Variants in THOC1 observed in about 807,000 individuals in gnomAD.
THOC1 encodes THO complex subunit 1.
In THOC1, 29 loss-of-function variants were observed where a neutral mutation model predicts 97.3. The observed-to-expected ratio is 0.30, with a 90% CI of 0.22 to 0.41. THOC1 has a LOEUF of 0.41. THOC1 is among the 10% of genes least tolerant of loss of function. THOC1 has a pLI of 1.00. For missense variants in THOC1, 529 were observed against 761.9 expected (o/e 0.69, Z 3.60); for synonymous variants, 255 against 257.0 (o/e 0.99, Z 0.07).
chr18:241,898 T>TA (rs1439804488), intron 11 of THOC1, among the ~76,000 whole-genome samples: 1 of 152,190 alleles, frequency 6.6e-6, no homozygotes, highest in African/African-American at 2.4e-5. Flanking sequence ...AAAGAACAGA[T>TA]ACTTTTCCAC....
rs866359458 is a variant in THOC1 at position 254,288 on chromosome 18, G to A, written c.588C>T (p.Ser196=). The A allele has an allele frequency of 1.3e-6, 2 of 1,581,946 alleles. No homozygotes were observed. Among genetic ancestry groups the A allele is most frequent in the Non-Finnish European group, 1.7e-6 (2 of 1,162,672 alleles). ...VTVFNTNEQE[S]TLGQKHTEDR... The stretch of plus-strand genomic sequence containing the variant: ...TCAGCCTCACCTTCTGACCCAGGGT[G>A]CTTTCCTGCTCATTTGTATTGAAAA... Residue 196 remains serine, a synonymous_variant, in exon 8 of 21, where the codon AGC becomes AGT. Coordinates refer to ENST00000261600, the MANE Select transcript of THOC1 (RefSeq NM_005131.3). The surrounding 1 kb of genome is among the most constrained non-coding windows in gnomAD (Gnocchi z 4.1).
In THOC1 at chr18:248,759, A is replaced by AT. The variant is rs1029955181; in HGVS notation, c.678-803dup. Reference sequence around the variant, plus strand: ...GTCAATACATATTCTTTTAATTTAAATTTTTTTTTTTAAAGGAGTCTCACT... The same window carrying AT: ...GTCAATACATATTCTTTTAATTTAAATTTTTTTTTTTTAAAGGAGTCTCACT... On this transcript the variant is annotated intron_variant, in intron 9 of 20. Transcript: ENST00000261600. Among the ~76,000 whole-genome samples, 35 of 149,042 alleles carry AT rather than the reference A, an allele frequency of 2.3e-4. No individual in the cohort carries two copies. The East Asian group carries it at 3.0e-3, about 13-fold the overall frequency.
chr18:220,525 C>T (rs1345986987), intron 17 of THOC1, among the ~76,000 whole-genome samples: 1 of 152,176 alleles, frequency 6.6e-6, no homozygotes, highest in Admixed American at 6.5e-5. Flanking sequence ...CAGACTCCTA[C>T]CAGCAGCACT....
Position 216,639 on chromosome 18 carries a change from A to G in THOC1, c.1455-6T>C, listed in dbSNP as rs2096171276. 1 of 1,609,424 alleles carries G rather than the reference A, an allele frequency of 6.2e-7. No individual in the cohort carries two copies. Among genetic ancestry groups the G allele is most frequent in the Non-Finnish European group, 8.5e-7 (1 of 1,177,958 alleles). On this transcript the variant is annotated splice_polypyrimidine_tract_variant and splice_region_variant and intron_variant, in intron 18 of 20. Coordinates refer to ENST00000261600, the MANE Select transcript of THOC1 (RefSeq NM_005131.3). Reference sequence around the variant, plus strand: ...AATTTGAATTGTTCACAGCCCTATAAAAAGAGGTGTCAGGCTTGTAATTTA... The same window carrying G: ...AATTTGAATTGTTCACAGCCCTATAGAAAGAGGTGTCAGGCTTGTAATTTA...
chr18:237,062 A>G (rs770270951), intron 11 of THOC1, among the ~76,000 whole-genome samples: 9 of 152,154 alleles, frequency 5.9e-5, no homozygotes, highest in Non-Finnish European at 1.2e-4. Context: ...GTCTCTGAAA[A>G]GAACACAGCT....
chr18:226,771 A>G, intron 12 of THOC1, 30 bp downstream of exon 12: 1 of 1,531,404 alleles, frequency 6.5e-7, no homozygotes, highest in Non-Finnish European at 8.9e-7. Context: ...GCTACTGTTT[A>G]CAAATTGTTT....
chr18:265,280 T>G lies in THOC1; in HGVS notation c.189+23A>C, dbSNP rs199778629. On this transcript the variant is annotated intron_variant, in intron 3 of 20. Transcript: ENST00000261600. ...GTTTATTAATTTGTCAGTAAAATTT[T>G]AACAATGGAAAAACATACTTACAAT... 31 of 1,558,816 alleles carry G rather than the reference T, an allele frequency of 2.0e-5. No homozygotes were observed. The African/African-American group carries it at 4.3e-4, about 21-fold the overall frequency.
intron 17 of THOC1, among the ~76,000 whole-genome samples, chr18:222,506 A>G (rs767682541): frequency 6.6e-6 from 1 of 152,204 alleles, no homozygotes; most frequent in Non-Finnish European, 1.5e-5. Flanking sequence ...TAGTCATTGA[A>G]TTTACAAAAC....
intron 12 of THOC1, among the ~76,000 whole-genome samples, 192 bp downstream of exon 12, chr18:226,609 T>C (rs988730955): frequency 3.9e-5 from 6 of 152,188 alleles, no homozygotes; most frequent in African/African-American, 1.4e-4. Context: ...AAACTCACAC[T>C]GACAGATATA....
intron 4 of THOC1, 87 bp downstream of exon 4, chr18:263,939 G>A (rs1482339687): frequency 9.8e-7 from 1 of 1,016,282 alleles, no homozygotes; most frequent in Non-Finnish European, 1.5e-6. Context: ...AATCAGATAG[G>A]TGGAGAAGTA....
chr18:217,193 A>G (rs1187825963), intron 18 of THOC1, among the ~76,000 whole-genome samples: 1 of 152,226 alleles, frequency 6.6e-6, no homozygotes, highest in Non-Finnish European at 1.5e-5. Context: ...AATTTGGTTT[A>G]TTTGGTCACC....
At chr18:261,956 C>T (rs528207082) in intron 4 of THOC1, among the ~76,000 whole-genome samples, 135 of 152,266 alleles carry the variant, frequency 8.9e-4, no homozygotes, top group African/African-American at 3.2e-3. Context: ...TCCCAGCTTC[C>T]ACACCAATCT....
At chr18:239,468 CTAATTTTTTG>C (rs1036700533) in intron 11 of THOC1, among the ~76,000 whole-genome samples, 3 of 152,074 alleles carry the variant, frequency 2.0e-5, no homozygotes, top group African/African-American at 7.2e-5. Flanking sequence ...CCACGCCCGG[CTAATTTTTTG>C]TATTTTTAGT....
intron 8 of THOC1, among the ~76,000 whole-genome samples, chr18:252,876 C>T (rs894546111): frequency 6.6e-6 from 1 of 152,122 alleles, no homozygotes. Flanking sequence ...TAAACATAAT[C>T]AATAGATTCC....
chr18:251,603 T>C (rs1056246695), intron 9 of THOC1, among the ~76,000 whole-genome samples: 1 of 152,222 alleles, frequency 6.6e-6, no homozygotes, highest in Non-Finnish European at 1.5e-5. Flanking sequence ...CCACGGTCTA[T>C]GTAGAGTTTG....
chr18:235,636 CCTTT>C (rs1911653567), intron 11 of THOC1, among the ~76,000 whole-genome samples: 1 of 151,984 alleles, frequency 6.6e-6, no homozygotes, highest in African/African-American at 2.4e-5. Context: ...CATATATTTG[CCTTT>C]TTTTAAGCTA....
chr18:237,924 C>T (rs1471742263), intron 11 of THOC1, among the ~76,000 whole-genome samples: 9 of 151,872 alleles, frequency 5.9e-5, no homozygotes, highest in Admixed American at 2.6e-4. Context: ...TAGAGTGCAG[C>T]GGTGCAATCT....
Position 247,727 on chromosome 18 carries a change from T to C in THOC1, c.786+122A>G, listed in dbSNP as rs573106824. ...ATTTATAATTTCACTTGTTATGAAA[T>C]TGGTATAAAAATGTAAGAGGCAGAA... On this transcript the variant is annotated intron_variant, in intron 10 of 20. Coordinates refer to ENST00000261600, the MANE Select transcript of THOC1 (RefSeq NM_005131.3). The C allele has an allele frequency of 1.1e-4, 66 of 615,624 alleles. 1 individual carries two copies. The East Asian group carries it at 1.5e-3, about 14-fold the overall frequency. The allele number at this position is 615,624 out of a possible 1,614,324, so 38.1% of individuals were successfully genotyped here. A position where few individuals can be genotyped will look rare whatever the true frequency, so the allele number is the denominator to read the frequency against.
At chr18:247,060 G>C (rs1379628334) in intron 10 of THOC1, among the ~76,000 whole-genome samples, 1 of 151,966 alleles carries the variant, frequency 6.6e-6, no homozygotes, top group East Asian at 1.9e-4. Flanking sequence ...CGCATTTCTT[G>C]TGCTAAAAAC....
Sources: allele counts gnomAD v4.1 joint callset (sites outside exome capture counted in the v4.1 genomes callset), GRCh38; gene constraint gnomAD v4.1.1; non-coding constraint Gnocchi (gnomAD v3.1); transcripts MANE v1.5; gene names NCBI Gene and HGNC (gene_info 2026-07-23, HGNC 2026-07-21).